SLC2A9: variants seen among roughly 807,000 people sequenced by gnomAD.
SLC2A9 encodes the protein solute carrier family 2 member 9, also known as solute carrier family 2, facilitated glucose transporter member 9.
SLC2A9 carries 39 observed loss-of-function variants against 50.6 expected under a neutral mutation model. The ratio of observed to expected loss-of-function variants is 0.77; its 90% CI spans 0.60 to 1.01. The LOEUF is 1.01. SLC2A9 is among the 50% of genes least tolerant of loss of function. The pLI, the probability that SLC2A9 is intolerant of heterozygous loss-of-function variation, is 0.00. For missense variants in SLC2A9, 686 were observed against 677.6 expected (o/e 1.01, Z -0.14); for synonymous variants, 324 against 276.9 (o/e 1.17, Z -1.69).
chr4:9,970,369 C>G (rs937162691), intron 5 of SLC2A9, among the ~76,000 whole-genome samples: 1 of 152,146 alleles, frequency 6.6e-6, no homozygotes, highest in Non-Finnish European at 1.5e-5. Context: ...CTGTGATTCA[C>G]GACATAATCT....
chr4:9,844,690 G>A (rs1227870426), intron 10 of SLC2A9, among the ~76,000 whole-genome samples: 3 of 152,202 alleles, frequency 2.0e-5, no homozygotes, highest in African/African-American at 7.2e-5. Flanking sequence ...ACAGCGCCCT[G>A]GTGTCTACAG....
chr4:9,955,509 A>C (rs1751084677), intron 5 of SLC2A9, among the ~76,000 whole-genome samples: 1 of 151,424 alleles, frequency 6.6e-6, no homozygotes, highest in Admixed American at 6.6e-5. Context: ...AAAAAAAAAA[A>C]AAAAAAAAAA....
chr4:9,925,273 G>A (rs1384091032), intron 6 of SLC2A9, among the ~76,000 whole-genome samples: 2 of 152,154 alleles, frequency 1.3e-5, no homozygotes, highest in Non-Finnish European at 2.9e-5. Flanking sequence ...GACCTTCCCT[G>A]CCCCCATGAT....
chr4:9,859,132 T>G (rs114553114), intron 10 of SLC2A9, among the ~76,000 whole-genome samples: 135 of 152,362 alleles, frequency 8.9e-4, no homozygotes, highest in African/African-American at 3.1e-3. Flanking sequence ...TCCTTGTGCC[T>G]CAACTTGCAA....
chr4:9,921,359 C>T (rs185731129), intron 6 of SLC2A9, among the ~76,000 whole-genome samples: 96 of 152,218 alleles, frequency 6.3e-4, no homozygotes, highest in Non-Finnish European at 9.8e-4. Flanking sequence ...TGCTTGAAGG[C>T]GGGCTGACTG....
chr4:9,816,938 A>G (rs1196238963), intron 3 of SLC2A9, among the ~76,000 whole-genome samples: 1 of 152,196 alleles, frequency 6.6e-6, no homozygotes, highest in Non-Finnish European at 1.5e-5. Flanking sequence ...ATAGAGACGC[A>G]ACACCTTGGA....
intron 5 of SLC2A9, among the ~76,000 whole-genome samples, chr4:9,952,533 TGTC>T (rs147210426): frequency 0.22 from 27,874 of 128,648 alleles, 2,753 homozygotes; most frequent in African/African-American, 0.26. Flanking sequence ...CAGATCTGTC[TGTC>T]TTTTTTTTTT....
intron 8 of SLC2A9, among the ~76,000 whole-genome samples, chr4:9,898,907 G>A (rs770207999): frequency 6.6e-6 from 1 of 151,910 alleles, no homozygotes; most frequent in South Asian, 2.1e-4. Context: ...ACTCCGTTGA[G>A]CAACCATTAA....
At chr4:9,966,059 T>A (rs7437120) in intron 5 of SLC2A9, among the ~76,000 whole-genome samples, 71,533 of 151,472 alleles carry the variant, frequency 0.47, 17,945 homozygotes, top group African/African-American at 0.63. Context: ...ACAAATATAC[T>A]TATAAGAAAT....
chr4:9,819,569 G>A (rs1724118339), intron 3 of SLC2A9, among the ~76,000 whole-genome samples: 1 of 152,190 alleles, frequency 6.6e-6, no homozygotes, highest in South Asian at 2.1e-4. Flanking sequence ...GTTCTTTGGT[G>A]GATATGTGTG....
At chr4:9,786,067 G>C (rs754643556) in intron 3 of SLC2A9, among the ~76,000 whole-genome samples, 4 of 152,210 alleles carry the variant, frequency 2.6e-5, no homozygotes, top group Non-Finnish European at 4.4e-5. Context: ...GATTGTTCCT[G>C]GTGCCCTCGG....
chr4:9,932,285 T>C (rs149111040), intron 6 of SLC2A9, among the ~76,000 whole-genome samples: 282 of 151,954 alleles, frequency 1.9e-3, no homozygotes, highest in African/African-American at 6.5e-3. Context: ...CAGCCTTTGG[T>C]ATACTTTGGT....
chr4:10,031,931 T>C (rs920337853), intron 1 of SLC2A9, among the ~76,000 whole-genome samples: 4 of 152,254 alleles, frequency 2.6e-5, no homozygotes, highest in African/African-American at 9.6e-5. Context: ...CATATTGTTA[T>C]CTGTGCTCTG....
At chr4:9,894,790 T>G in intron 8 of SLC2A9, among the ~76,000 whole-genome samples, 1 of 152,146 alleles carries the variant, frequency 6.6e-6, no homozygotes, top group South Asian at 2.1e-4. Context: ...TGGATTAGAG[T>G]ATCCAGTGAC....
Position 9,960,588 on chromosome 4 carries a change from A to C in SLC2A9, c.682-18543T>G, listed in dbSNP as rs566472697. 1.8e-4 allele frequency among the ~76,000 whole-genome samples: 27 copies of C among 152,326 alleles called. No homozygotes were observed. The South Asian group carries it at 5.2e-3, about 29-fold the overall frequency. ...ACAGCATGTGAAAATTCAACAGAGG[A>C]AGAGAAAGCTTTTGTCAGGAGCCAA... On this transcript the variant is annotated intron_variant, in intron 5 of 11. Coordinates refer to ENST00000264784, the MANE Select transcript of SLC2A9 (RefSeq NM_020041.3).
At chr4:9,994,003 C>T (rs1373147220) in intron 3 of SLC2A9, among the ~76,000 whole-genome samples, 1 of 152,228 alleles carries the variant, frequency 6.6e-6, no homozygotes, top group East Asian at 1.9e-4. Flanking sequence ...CCAGCTATAC[C>T]TTTGAGCACC....
intron 6 of SLC2A9, among the ~76,000 whole-genome samples, chr4:9,927,116 G>A (rs924957303): frequency 5.4e-5 from 8 of 147,790 alleles, no homozygotes; most frequent in Non-Finnish European, 7.4e-5. Flanking sequence ...TGCAACCTCC[G>A]CCTCCCAGAT....
At chr4:9,810,267 T>C (rs1431977312) in intron 3 of SLC2A9, among the ~76,000 whole-genome samples, 1 of 152,014 alleles carries the variant, frequency 6.6e-6, no homozygotes, top group East Asian at 1.9e-4. Flanking sequence ...ATGGATTGTA[T>C]TGAATGAGTG....
intron 5 of SLC2A9, among the ~76,000 whole-genome samples, chr4:9,971,271 CT>C (rs1218248985): frequency 6.6e-6 from 1 of 152,020 alleles, no homozygotes; most frequent in Non-Finnish European, 1.5e-5. Context: ...GCTTTTAAAC[CT>C]AAGTTCATGG....
Sources: allele counts gnomAD v4.1 joint callset (sites outside exome capture counted in the v4.1 genomes callset), GRCh38; gene constraint gnomAD v4.1.1; transcripts MANE v1.5; gene names NCBI Gene and HGNC (gene_info 2026-07-23, HGNC 2026-07-21).